VPS53: variants seen among roughly 807,000 people sequenced by gnomAD.
VPS53 encodes the protein vacuolar protein sorting-associated protein 53 homolog.
In VPS53, 70 loss-of-function variants were observed where a neutral mutation model predicts 107.0. The ratio of observed to expected loss-of-function variants is 0.65; its 90% CI spans 0.54 to 0.80. The LOEUF is 0.80. Among genes scored for constraint, VPS53 ranks in the 30% least tolerant of loss-of-function variants. The probability of loss-of-function intolerance (pLI) is 0.00; values close to 1 mark genes in which losing one functional copy is unlikely to be tolerated. For synonymous variants in VPS53, 409 were observed against 393.3 expected (o/e 1.04, Z -0.47); for missense variants, 917 against 1,049.4 (o/e 0.87, Z 1.74).
intron 15 of VPS53, among the ~76,000 whole-genome samples, chr17:559,985 T>C (rs1378591016): frequency 6.6e-6 from 1 of 152,202 alleles, no homozygotes; most frequent in African/African-American, 2.4e-5. Context: ...GAAAATGCCA[T>C]GTAAATTTCA....
intron 11 of VPS53, among the ~76,000 whole-genome samples, chr17:615,836 G>C (rs991430838): frequency 3.3e-5 from 5 of 152,232 alleles, no homozygotes; most frequent in Non-Finnish European, 7.3e-5. Context: ...TGGGGGTCAG[G>C]ACAGCTGGAA....
At chr17:627,608 C>A (rs1353763729) in intron 9 of VPS53, among the ~76,000 whole-genome samples, 1 of 152,090 alleles carries the variant, frequency 6.6e-6, no homozygotes, top group East Asian at 1.9e-4. Flanking sequence ...AACCCCGTCC[C>A]TACTAAAAAA....
At chr17:614,982 A>G (rs1969070373) in intron 11 of VPS53, among the ~76,000 whole-genome samples, 1 of 152,270 alleles carries the variant, frequency 6.6e-6, no homozygotes, top group African/African-American at 2.4e-5. Flanking sequence ...CCAGTGAGGC[A>G]GTTATAAAAA....
chr17:566,198 C>G (rs1386665385), intron 13 of VPS53, among the ~76,000 whole-genome samples: 10 of 139,038 alleles, frequency 7.2e-5, no homozygotes, highest in African/African-American at 2.9e-4. Context: ...AGCGAGACTC[C>G]GTCTCAAAAA....
chr17:545,699 T>C (rs1190507837), intron 17 of VPS53, among the ~76,000 whole-genome samples: 1 of 152,238 alleles, frequency 6.6e-6, no homozygotes, highest in Non-Finnish European at 1.5e-5. Context: ...AAGCAAGTAC[T>C]GTGCCATGCC....
chr17:697,374 G>A (rs1037296848), intron 4 of VPS53, 44 bp downstream of exon 4: 8 of 1,543,192 alleles, frequency 5.2e-6, no homozygotes, highest in Non-Finnish European at 7.2e-6. Flanking sequence ...GTTGCCGGGA[G>A]AAACCAGGGG....
chr17:703,153 G>A (rs1031395309), intron 2 of VPS53, among the ~76,000 whole-genome samples: 3 of 149,934 alleles, frequency 2.0e-5, no homozygotes, highest in Admixed American at 6.6e-5. Flanking sequence ...AGGTTGCAGC[G>A]AGCCGAGATC....
chr17:672,948 T>TA (rs1397133033), intron 4 of VPS53, among the ~76,000 whole-genome samples: 1 of 151,840 alleles, frequency 6.6e-6, no homozygotes, highest in Non-Finnish European at 1.5e-5. Flanking sequence ...CCGTCTCTAC[T>TA]AAAAATACAA....
intron 4 of VPS53, among the ~76,000 whole-genome samples, chr17:692,564 T>C (rs954011655): frequency 6.6e-6 from 1 of 152,230 alleles, no homozygotes; most frequent in Non-Finnish European, 1.5e-5. Flanking sequence ...ATGACCTAAT[T>C]ATGCCTTCAA....
rs539233781 is a variant in VPS53 at position 636,470 on chromosome 17, A to G, written c.609-4842T>C. Among the ~76,000 whole-genome samples the G allele has an allele frequency of 9.8e-4, 150 of 152,352 alleles. 1 individual carries two copies. The highest frequency in any genetic ancestry group is 3.4e-3 in the African/African-American group (140 of 41,580). ...AACACTATGTTGAATAGGAATGGTG[A>G]AAGAGGGCATCCCTGTCTTGTGCCA... is the stretch of plus-strand genomic sequence containing the variant. On this transcript the variant is annotated intron_variant, in intron 7 of 21. Transcript: ENST00000437048.
intron 4 of VPS53, among the ~76,000 whole-genome samples, chr17:687,373 C>T (rs914605049): frequency 5.9e-5 from 9 of 151,752 alleles, no homozygotes; most frequent in African/African-American, 1.9e-4. Context: ...GTCAGAAGAT[C>T]GAGACCATCC....
chr17:646,763 A>G (rs1970729049), intron 7 of VPS53, among the ~76,000 whole-genome samples: 1 of 104,838 alleles, frequency 9.5e-6, no homozygotes, highest in Non-Finnish European at 2.1e-5. Context: ...ATCTTTTCTA[A>G]TCCACACCAC....
chr17:588,826 C>T (rs2143001472), intron 12 of VPS53, among the ~76,000 whole-genome samples: 1 of 152,214 alleles, frequency 6.6e-6, no homozygotes, highest in South Asian at 2.1e-4. Context: ...TTCTGCATTT[C>T]CATTAGTTTA....
chr17:558,743 T>A (rs1912672839), intron 15 of VPS53, among the ~76,000 whole-genome samples: 1 of 151,646 alleles, frequency 6.6e-6, no homozygotes, highest in South Asian at 2.1e-4. Flanking sequence ...CCCAGCACTT[T>A]GGGAGGCCAA....
At chr17:532,812 G>C (rs776928397) in intron 19 of VPS53, 30 bp downstream of exon 19, 2 of 1,612,188 alleles carry the variant, frequency 1.2e-6, no homozygotes, top group South Asian at 1.1e-5. Flanking sequence ...AAAGCTGCCA[G>C]GCAAATGCCT....
chr17:529,394 A>ACACT (rs1241055508), intron 19 of VPS53, among the ~76,000 whole-genome samples: 1 of 101,474 alleles, frequency 9.9e-6, no homozygotes, highest in African/African-American at 5.0e-5. Context: ...TCACACACAC[A>ACACT]CACTCACACA....
At chr17:587,004 C>CT (rs761234811) in intron 12 of VPS53, among the ~76,000 whole-genome samples, 3 of 151,946 alleles carry the variant, frequency 2.0e-5, no homozygotes, top group Non-Finnish European at 2.9e-5. Flanking sequence ...GGATTGTTAA[C>CT]TTTATTTTGC....
chr17:577,711 G>T (rs1914751218), intron 13 of VPS53, among the ~76,000 whole-genome samples: 1 of 150,790 alleles, frequency 6.6e-6, no homozygotes, highest in African/African-American at 2.4e-5. Context: ...ACCTTCCTAA[G>T]CACGTAATTC....
chr17:694,470 ATCAC>A (rs1273719542), intron 4 of VPS53, among the ~76,000 whole-genome samples: 3 of 152,310 alleles, frequency 2.0e-5, no homozygotes, highest in East Asian at 1.9e-4. Flanking sequence ...ATGCCGATGA[ATCAC>A]TCACTATTTT....
Sources: allele counts gnomAD v4.1 joint callset (sites outside exome capture counted in the v4.1 genomes callset), GRCh38; gene constraint gnomAD v4.1.1; transcripts MANE v1.5; gene names NCBI Gene and HGNC (gene_info 2026-07-23, HGNC 2026-07-21).